The following RAPGEF1 variants were observed in gnomAD, a reference collection of about 807,000 sequenced individuals.
RAPGEF1 encodes the protein Rap guanine nucleotide exchange factor 1.
A neutral mutation model predicts 143.3 loss-of-function variants in RAPGEF1; 33 were observed. That is an observed-to-expected ratio of 0.23 (90% CI 0.17 to 0.31). RAPGEF1 has a LOEUF of 0.31. RAPGEF1 is among the 10% of genes least tolerant of loss of function. The pLI, the probability that RAPGEF1 is intolerant of heterozygous loss-of-function variation, is 1.00. For missense variants in RAPGEF1, 1,199 were observed against 1,645.4 expected (o/e 0.73, Z 4.69); for synonymous variants, 629 against 676.5 (o/e 0.93, Z 1.09).
chr9:131,737,240 C>A (rs1837476509), intron 1 of RAPGEF1, among the ~76,000 whole-genome samples: 1 of 152,176 alleles, frequency 6.6e-6, no homozygotes. Context: ...CAAAATGCAT[C>A]TTCCTCCCAC....
chr9:131,593,612 C>CGG (rs1358531529), intron 17 of RAPGEF1, among the ~76,000 whole-genome samples: 1 of 152,204 alleles, frequency 6.6e-6, no homozygotes, highest in African/African-American at 2.4e-5. Context: ...GGCTTGGCTC[C>CGG]TGCCCCCACC....
rs1968605420 is a variant in RAPGEF1, at chr9:131,643,383, A to G, written c.350T>C (p.Val117Ala). Residue 117 changes from valine (V) to alanine (A), a missense_variant, in exon 4 of 27, where the codon GTT (valine) becomes GCT (alanine). Val to Ala is a moderately conservative substitution (Grantham distance 64). Around this residue, in one of 6 missense-constraint regions of RAPGEF1, gnomAD observed 613 missense variants for 710.9 expected, o/e 0.86. Coordinates refer to ENST00000683357, the MANE Select transcript of RAPGEF1 (RefSeq NM_001377935.1). ...LSWLEEKEKE[V>A]VSALRYFKTI... is the part of the protein sequence containing the mutation. ...CTTAAAGTAGCGCAGGGCACTGACAACTTCCTTCTCTTTCTCCTCCAGCCA... is the reference window on the plus strand; with the variant it reads ...CTTAAAGTAGCGCAGGGCACTGACAGCTTCCTTCTCTTTCTCCTCCAGCCA... The G allele has an allele frequency of 6.2e-7, 1 of 1,613,616 alleles. No individual in the cohort carries two copies. The highest frequency in any genetic ancestry group is 1.1e-5 in the South Asian group (1 of 91,008).
Position 131,650,279 on chromosome 9 carries a change from A to C in RAPGEF1, c.202-37T>G. On this transcript the variant is annotated intron_variant, in intron 2 of 26. Transcript: ENST00000683357. The surrounding 1 kb of genome is among the most constrained non-coding windows in gnomAD (Gnocchi z 4.7). ...GAAACCTGGATTCCTACAGAGTTTGAAATGGCTGTTTGAGGCCGAAGGGAG... is the reference window on the plus strand; with the variant it reads ...GAAACCTGGATTCCTACAGAGTTTGCAATGGCTGTTTGAGGCCGAAGGGAG... 6.5e-7 allele frequency: 1 copy of C among 1,531,820 alleles called. No individual in the cohort carries two copies. Among genetic ancestry groups the C allele is most frequent in the Non-Finnish European group, 9.0e-7 (1 of 1,112,576 alleles). The allele number at this position is 1,531,820 out of a possible 1,614,324, so 94.9% of individuals were successfully genotyped here. A position where few individuals can be genotyped will look rare whatever the true frequency, so the allele number is the denominator to read the frequency against.
Position 131,628,960 on chromosome 9 carries a change from G to A in RAPGEF1, c.893+142C>T. ...AGCTCAGGGTGGCCAGCGAGGGCCGGCGGGGTGGGGACAGCTCCAGAGTCA... is the reference window on the plus strand; with the variant it reads ...AGCTCAGGGTGGCCAGCGAGGGCCGACGGGGTGGGGACAGCTCCAGAGTCA... On this transcript the variant is annotated intron_variant, in intron 7 of 26. Coordinates refer to ENST00000683357, the MANE Select transcript of RAPGEF1 (RefSeq NM_001377935.1). The surrounding 1 kb of genome is among the most constrained non-coding windows in gnomAD (Gnocchi z 5.7). The A allele has an allele frequency of 8.5e-7, 1 of 1,171,064 alleles. No homozygotes were observed. The highest frequency in any genetic ancestry group is 1.2e-6 in the Non-Finnish European group (1 of 857,018). 72.5% of individuals were successfully genotyped at this position (1,171,064 alleles called of 1,614,324 possible). A position where few individuals can be genotyped will look rare whatever the true frequency, so the allele number is the denominator to read the frequency against.
At chr9:131,705,868 C>T (rs1210192735) in intron 1 of RAPGEF1, among the ~76,000 whole-genome samples, 2 of 152,192 alleles carry the variant, frequency 1.3e-5, no homozygotes, top group Non-Finnish European at 2.9e-5. Flanking sequence ...AGTGTTCTGC[C>T]TCTGCGGCTT....
chr9:131,688,437 C>A (rs1833528429), intron 1 of RAPGEF1, among the ~76,000 whole-genome samples: 2 of 152,176 alleles, frequency 1.3e-5, no homozygotes, highest in Admixed American at 1.3e-4. Flanking sequence ...AAGCCAGGAA[C>A]CTGGTGGCAT....
chr9:131,713,561 G>T (rs891774484), intron 1 of RAPGEF1, among the ~76,000 whole-genome samples: 2 of 152,096 alleles, frequency 1.3e-5, no homozygotes, highest in African/African-American at 4.8e-5. Flanking sequence ...AACAACTTTG[G>T]GATAGAAACT....
At position 131,650,225 on chromosome 9, in the gene RAPGEF1, A is replaced by T; in HGVS notation, c.219T>A (p.Phe73Leu). 2 of 1,613,428 alleles carry T rather than the reference A, an allele frequency of 1.2e-6. No homozygotes were observed. Among genetic ancestry groups the T allele is most frequent in the Non-Finnish European group, 1.7e-6 (2 of 1,179,508 alleles). Reference protein sequence around the residue: ...KPVNKEATDRFLPEGYPLPLD... With the variant: ...KPVNKEATDRLLPEGYPLPLD... ...AGGGGAGAGGGTAGCCCTCTGGTAG[A>T]AATCTGTCTGTTGCCTCCTGGAAGA... is the stretch of plus-strand genomic sequence containing the variant. Residue 73 changes from phenylalanine to leucine, a missense_variant, in exon 3 of 27, where the codon TTT (phenylalanine) becomes TTA (leucine). Phe to Leu is a conservative substitution (Grantham distance 22). Coordinates refer to ENST00000683357, the MANE Select transcript of RAPGEF1 (RefSeq NM_001377935.1). The surrounding 1 kb of genome is among the most constrained non-coding windows in gnomAD (Gnocchi z 4.7).
chr9:131,605,289 A>G lies in RAPGEF1; in HGVS notation c.2062-101T>C. 5.6e-6 allele frequency: 6 copies of G among 1,077,020 alleles called. 1 individual carries two copies. 66.7% of individuals were successfully genotyped at this position (1,077,020 alleles called of 1,614,324 possible). On this transcript the variant is annotated intron_variant, in intron 12 of 26. Transcript: ENST00000683357. ...AGCTGAGCAGTGACAGGCCGTTCAC[A>G]ATAACTTAGTCTAACGGGCCACCAA...
At chr9:131,735,990 C>T (rs1220522830) in intron 1 of RAPGEF1, among the ~76,000 whole-genome samples, 2 of 152,172 alleles carry the variant, frequency 1.3e-5, no homozygotes, top group Non-Finnish European at 2.9e-5. Flanking sequence ...TGTGCTTAAG[C>T]TCCAAAAACA....
chr9:131,634,757 AG>A (rs1257326459), intron 5 of RAPGEF1, among the ~76,000 whole-genome samples: 1 of 150,604 alleles, frequency 6.6e-6, no homozygotes, highest in South Asian at 2.1e-4. Context: ...ATCACAGAGA[AG>A]GAAGGGCTTA....
intron 1 of RAPGEF1, among the ~76,000 whole-genome samples, chr9:131,704,704 C>CACTGTTCA (rs1219800029): frequency 6.6e-6 from 1 of 151,704 alleles, no homozygotes; most frequent in Admixed American, 6.6e-5. Context: ...CCAAAATGAA[C>CACTGTTCA]ACTGTAAGCA....
chr9:131,615,840 T>G (rs546750588), intron 12 of RAPGEF1, among the ~76,000 whole-genome samples: 1 of 152,168 alleles, frequency 6.6e-6, no homozygotes, highest in Non-Finnish European at 1.5e-5. Flanking sequence ...CCCACGACCC[T>G]GTCCTTGCTC....
At chr9:131,603,929 C>A in intron 14 of RAPGEF1, 32 bp downstream of exon 14, 1 of 1,262,926 alleles carries the variant, frequency 7.9e-7, no homozygotes, top group South Asian at 1.2e-5. Context: ...CCAGGCCAGG[C>A]CACATGCAGG....
chr9:131,602,289 A>C, intron 14 of RAPGEF1, 140 bp from the exon 15 acceptor site: 1 of 603,772 alleles, frequency 1.7e-6, no homozygotes, highest in South Asian at 2.0e-5. Flanking sequence ...ATTAAAGATG[A>C]ATGCCGTTAA....
chr9:131,685,810 C>T (rs10120010), intron 1 of RAPGEF1, among the ~76,000 whole-genome samples: 13,354 of 152,146 alleles, frequency 0.088, 723 homozygotes, highest in East Asian at 0.26. Context: ...CTGGTCTTGG[C>T]AGAGGGGCAT....
intron 1 of RAPGEF1, among the ~76,000 whole-genome samples, chr9:131,683,125 A>G (rs1833057048): frequency 6.6e-6 from 1 of 152,204 alleles, no homozygotes. Context: ...TGTCCCTGGT[A>G]TGGGACTAGA....
chr9:131,602,142 G>A lies in RAPGEF1; in HGVS notation c.2420C>T (p.Pro807Leu), dbSNP rs369085148. 11 of 1,584,998 alleles carry A rather than the reference G, an allele frequency of 6.9e-6. No individual in the cohort carries two copies. The highest frequency in any genetic ancestry group is 2.7e-5 in the African/African-American group (2 of 74,292). The change falls in exon 15 of 27, where the codon CCG becomes CTG. Residue 807 changes from proline (P) to leucine (L), a missense_variant. Pro to Leu is a moderately conservative substitution (Grantham distance 98). Coordinates refer to ENST00000683357, the MANE Select transcript of RAPGEF1 (RefSeq NM_001377935.1). ...TCTGGGATGTCCGTCTTTCCCAGCC[G>A]GTGGCTCCTGGAAAGAGGAGTGGGT... ...EELAPSRGEPPAGKDGHPRDP... is the reference protein window; with the variant it reads ...EELAPSRGEPLAGKDGHPRDP...
In RAPGEF1 at chr9:131,577,941, G is replaced by A. The variant is rs138402535; in HGVS notation, c.*1556C>T. ...AAATGCTGTTCAAAAACCCATGAAG[G>A]ACTCAAAGTGACATGGTGGTTTAAA... On this transcript the variant is annotated 3_prime_UTR_variant, in exon 27 of 27. Coordinates refer to ENST00000683357, the MANE Select transcript of RAPGEF1 (RefSeq NM_001377935.1). 7.1e-4 allele frequency: 108 copies of A among 152,266 alleles called. 1 individual carries two copies. Among genetic ancestry groups the A allele is most frequent in the Middle Eastern group, 3.4e-3 (1 of 296 alleles). 9.4% of individuals were successfully genotyped at this position (152,266 alleles called of 1,614,324 possible).
Sources: allele counts gnomAD v4.1 joint callset (sites outside exome capture counted in the v4.1 genomes callset), GRCh38; gene constraint gnomAD v4.1.1; regional missense constraint gnomAD v4.1.1; non-coding constraint Gnocchi (gnomAD v3.1); transcripts MANE v1.5; gene names NCBI Gene and HGNC (gene_info 2026-07-23, HGNC 2026-07-21).